RAB38: variants seen among roughly 807,000 people sequenced by gnomAD.
The protein encoded by RAB38 is RAB38, member RAS oncogene family.
In RAB38, 15 loss-of-function variants were observed where a neutral mutation model predicts 18.4. The ratio of observed to expected loss-of-function variants is 0.82; its 90% CI spans 0.55 to 1.26. The LOEUF (loss-of-function observed/expected upper bound fraction) is 1.26. Among genes scored for constraint, RAB38 ranks in the 50% most tolerant of loss-of-function variants. RAB38 has a pLI of 0.00. For synonymous variants in RAB38, 101 were observed against 104.4 expected (o/e 0.97, Z 0.20); for missense variants, 294 against 267.4 (o/e 1.10, Z -0.69).
At chr11:88,107,686 C>T in the RAB38 span, among the ~76,000 whole-genome samples, 1 of 152,126 alleles carries the variant, frequency 6.6e-6, no homozygotes, top group Middle Eastern at 3.4e-3. Context: ...GTTGCTGCTT[C>T]TCTAGTTCTT....
chr11:88,148,550 C>T (rs1477637844), intron 2 of RAB38, among the ~76,000 whole-genome samples: 2 of 152,184 alleles, frequency 1.3e-5, no homozygotes, highest in Admixed American at 6.5e-5. Context: ...GGACCATTCT[C>T]TTTCCAGCAG....
chr11:87,905,943 G>C, the RAB38 span, among the ~76,000 whole-genome samples: 5 of 151,882 alleles, frequency 3.3e-5, no homozygotes, highest in East Asian at 9.7e-4. Flanking sequence ...TTTGATTTCT[G>C]TCTCTTCAGC....
chr11:87,927,144 T>C, the RAB38 span, among the ~76,000 whole-genome samples: 1 of 151,994 alleles, frequency 6.6e-6, no homozygotes, highest in South Asian at 2.1e-4. Flanking sequence ...AAAATACAAT[T>C]TGGGATGTGA....
chr11:87,933,164 C>A, the RAB38 span, among the ~76,000 whole-genome samples: 1 of 152,030 alleles, frequency 6.6e-6, no homozygotes, highest in Non-Finnish European at 1.5e-5. Flanking sequence ...GTTTTGAAAG[C>A]AGAGAAGCCA....
At chr11:88,082,343 G>A in the RAB38 span, among the ~76,000 whole-genome samples, 1 of 151,754 alleles carries the variant, frequency 6.6e-6, no homozygotes, top group African/African-American at 2.4e-5. Flanking sequence ...TTTGTAGGAT[G>A]ATTCAGGACA....
chr11:88,162,189 G>A (rs757832656), intron 1 of RAB38, among the ~76,000 whole-genome samples: 7 of 152,160 alleles, frequency 4.6e-5, no homozygotes, highest in East Asian at 1.9e-4. Context: ...ACAGTCTGGC[G>A]GTGGTTCAGA....
At chr11:87,889,940 G>A in the RAB38 span, among the ~76,000 whole-genome samples, 55 of 151,540 alleles carry the variant, frequency 3.6e-4, no homozygotes, top group Non-Finnish European at 1.6e-4. Context: ...CACACTAAAT[G>A]TTCGTTGATG....
chr11:88,173,571 C>T (rs1250944140), intron 1 of RAB38: 1 of 985,262 alleles, frequency 1.0e-6, no homozygotes, highest in Non-Finnish European at 1.2e-6. Flanking sequence ...CATGCTGTTA[C>T]CTGGATTGTA....
the RAB38 span, among the ~76,000 whole-genome samples, chr11:87,898,288 A>G: frequency 1.3e-5 from 2 of 151,584 alleles, no homozygotes; most frequent in South Asian, 4.1e-4. Flanking sequence ...CCAACCACAG[A>G]GCGTGGGTAA....
the RAB38 span, among the ~76,000 whole-genome samples, chr11:88,053,395 T>C: frequency 4.9e-4 from 29 of 58,732 alleles, 6 homozygotes; most frequent in African/African-American, 1.2e-3. Flanking sequence ...CACACACATA[T>C]ATATGGAATA....
chr11:87,966,452 T>C, the RAB38 span, among the ~76,000 whole-genome samples: 1 of 152,092 alleles, frequency 6.6e-6, no homozygotes, highest in Non-Finnish European at 1.5e-5. Context: ...ACTCAGATGG[T>C]AGGGAAAATG....
chr11:87,805,608 C>T, the RAB38 span, among the ~76,000 whole-genome samples: 1 of 143,910 alleles, frequency 6.9e-6, no homozygotes, highest in East Asian at 2.0e-4. Context: ...AAACACTACA[C>T]ACACACACAC....
At chr11:88,025,161 A>G in the RAB38 span, among the ~76,000 whole-genome samples, 2 of 151,456 alleles carry the variant, frequency 1.3e-5, no homozygotes, top group East Asian at 1.9e-4. Context: ...GTGGCTGTGT[A>G]GTATTCCATC....
At chr11:87,880,419 G>A in the RAB38 span, among the ~76,000 whole-genome samples, 3 of 151,792 alleles carry the variant, frequency 2.0e-5, no homozygotes, top group African/African-American at 7.2e-5. Context: ...TAGAGCCACA[G>A]TATGGTAACA....
the RAB38 span, among the ~76,000 whole-genome samples, chr11:88,032,819 C>T: frequency 1.3e-5 from 2 of 152,278 alleles, no homozygotes; most frequent in East Asian, 1.9e-4. Flanking sequence ...GACAGTGTGG[C>T]GATTCCTCAG....
At chr11:88,083,176 C>A in the RAB38 span, among the ~76,000 whole-genome samples, 1 of 151,814 alleles carries the variant, frequency 6.6e-6, no homozygotes, top group African/African-American at 2.4e-5. Flanking sequence ...TACAATAAAG[C>A]CTTTCTTGAA....
At chr11:88,033,240 G>T in the RAB38 span, among the ~76,000 whole-genome samples, 1 of 151,996 alleles carries the variant, frequency 6.6e-6, no homozygotes, top group African/African-American at 2.4e-5. Flanking sequence ...CGTGGGAGGA[G>T]GGGGGAGGGA....
chr11:87,976,183 G>C, the RAB38 span, among the ~76,000 whole-genome samples: 1 of 144,606 alleles, frequency 6.9e-6, no homozygotes. Flanking sequence ...GGTATATATA[G>C]GTATATTTAT....
the RAB38 span, among the ~76,000 whole-genome samples, chr11:87,963,371 T>C: frequency 2.6e-5 from 4 of 152,264 alleles, no homozygotes; most frequent in African/African-American, 9.6e-5. Context: ...GCATAAATAA[T>C]ATGATTCTCA....
Sources: allele counts gnomAD v4.1 joint callset (sites outside exome capture counted in the v4.1 genomes callset), GRCh38; gene constraint gnomAD v4.1.1; transcripts MANE v1.5; gene names NCBI Gene and HGNC (gene_info 2026-07-23, HGNC 2026-07-21).